FAM13A: variants seen among roughly 807,000 people sequenced by gnomAD.
FAM13A encodes the protein family with sequence similarity 13 member A.
In FAM13A, 76 loss-of-function variants were observed where a neutral mutation model predicts 129.6. The observed-to-expected ratio is 0.59, with a 90% confidence interval of 0.49 to 0.71. The LOEUF (loss-of-function observed/expected upper bound fraction) is 0.71. Ranked by LOEUF, FAM13A falls within the 30% of genes least tolerant of loss-of-function variation. The pLI, the probability that FAM13A is intolerant of heterozygous loss-of-function variation, is 0.00. For missense variants in FAM13A, 1,108 were observed against 1,249.3 expected (o/e 0.89, Z 1.70); for synonymous variants, 443 against 449.9 (o/e 0.98, Z 0.20).
At chr4:88,829,725 A>G (rs1733571621) in intron 7 of FAM13A, among the ~76,000 whole-genome samples, 1 of 152,238 alleles carries the variant, frequency 6.6e-6, no homozygotes, top group Admixed American at 6.5e-5. Context: ...GTCAATAAAA[A>G]AGGGAGAAGA....
intron 1 of FAM13A, among the ~76,000 whole-genome samples, chr4:89,042,964 C>G (rs1185968926): frequency 6.6e-6 from 1 of 152,198 alleles, no homozygotes; most frequent in African/African-American, 2.4e-5. Flanking sequence ...GTTATCACTT[C>G]TTCTGAAACC....
intron 5 of FAM13A, among the ~76,000 whole-genome samples, chr4:88,913,145 G>A (rs1008003588): frequency 4.1e-4 from 59 of 144,942 alleles, no homozygotes; most frequent in Non-Finnish European, 8.4e-4. Context: ...AGAGGAAGAG[G>A]AAGAAGAGGA....
chr4:89,020,527 A>C lies in FAM13A; in HGVS notation c.360T>G (p.Phe120Leu). ...TCAGACTGTCAGGCAGCTCCCTCAGAAACAGCTTCAACAGACTGGCTGCTG... is the reference window on the plus strand; with the variant it reads ...TCAGACTGTCAGGCAGCTCCCTCAGCAACAGCTTCAACAGACTGGCTGCTG... ...VCSAASLLKL[F>L]LRELPDSLIT... Residue 120 changes from phenylalanine to leucine, a missense_variant, in exon 3 of 24, where the codon TTT (phenylalanine) becomes TTG (leucine). Phe to Leu is a conservative substitution (Grantham distance 22). Coordinates refer to ENST00000264344, the MANE Select transcript of FAM13A (RefSeq NM_014883.4). 6.2e-7 allele frequency: 1 copy of C among 1,614,118 alleles called. No homozygotes were observed. The highest frequency in any genetic ancestry group is 8.5e-7 in the Non-Finnish European group (1 of 1,180,002).
chr4:88,880,960 C>G (rs1463241916), intron 6 of FAM13A, among the ~76,000 whole-genome samples: 1 of 152,094 alleles, frequency 6.6e-6, no homozygotes, highest in Non-Finnish European at 1.5e-5. Flanking sequence ...TGCCCCTATC[C>G]CCGACAGCAG....
chr4:88,949,586 TA>T (rs1157264060), intron 4 of FAM13A, among the ~76,000 whole-genome samples: 1 of 152,236 alleles, frequency 6.6e-6, no homozygotes, highest in African/African-American at 2.4e-5. Flanking sequence ...CTTAATATGT[TA>T]TAAATGAAAA....
rs1170954295 is a variant in FAM13A, at chr4:88,800,731, C to A, written c.1049+4280G>T. 1.4e-3 allele frequency among the ~76,000 whole-genome samples: 206 copies of A among 144,892 alleles called. 1 individual carries two copies. The highest frequency in any genetic ancestry group is 7.1e-3 in the Middle Eastern group (2 of 280). ...AAAAGAAAAAAAAAAGAAAAAGAAA[C>A]ACTATTATAATAAAAAGGAAAACAA... On this transcript the variant is annotated intron_variant, in intron 8 of 23. Coordinates refer to ENST00000264344, the MANE Select transcript of FAM13A (RefSeq NM_014883.4).
chr4:88,990,685 AC>A, intron 4 of FAM13A: 1 of 215,226 alleles, frequency 4.6e-6, no homozygotes, highest in Non-Finnish European at 7.9e-6. Context: ...ATTTCTGATT[AC>A]AGATTTTTTA....
At chr4:88,850,069 A>G (rs1399490406) in intron 7 of FAM13A, among the ~76,000 whole-genome samples, 5 of 152,166 alleles carry the variant, frequency 3.3e-5, no homozygotes, top group African/African-American at 9.7e-5. Context: ...AAGCTCCTTA[A>G]CTAAATTATT....
chr4:88,927,015 C>T (rs1454976754), intron 5 of FAM13A, among the ~76,000 whole-genome samples: 2 of 152,076 alleles, frequency 1.3e-5, no homozygotes, highest in African/African-American at 4.8e-5. Flanking sequence ...TTTCTTTATC[C>T]AATTCTCCCT....
chr4:88,913,590 C>T (rs549754344), intron 5 of FAM13A, among the ~76,000 whole-genome samples: 3 of 152,154 alleles, frequency 2.0e-5, no homozygotes, highest in Non-Finnish European at 2.9e-5. Flanking sequence ...AAGAAGAAGG[C>T]GGCAAATAAT....
intron 7 of FAM13A, among the ~76,000 whole-genome samples, chr4:88,841,859 AAACAT>A (rs1265403272): frequency 6.6e-6 from 1 of 152,212 alleles, no homozygotes; most frequent in Non-Finnish European, 1.5e-5. Flanking sequence ...TCAAAAAGTT[AAACAT>A]AGAGTTAACA....
intron 4 of FAM13A, among the ~76,000 whole-genome samples, chr4:88,971,479 T>C (rs1452871439): frequency 1.3e-5 from 2 of 152,192 alleles, no homozygotes; most frequent in African/African-American, 4.8e-5. Context: ...TAAAAATGGC[T>C]CTGGGACCCT....
intron 2 of FAM13A, among the ~76,000 whole-genome samples, chr4:89,022,495 A>G (rs1767406483): frequency 6.6e-6 from 1 of 152,300 alleles, no homozygotes; most frequent in East Asian, 1.9e-4. Context: ...GATGATATTA[A>G]AAGTATTTAA....
chr4:89,023,168 A>G (rs1767499368), intron 2 of FAM13A, among the ~76,000 whole-genome samples: 1 of 152,206 alleles, frequency 6.6e-6, no homozygotes, highest in African/African-American at 2.4e-5. Flanking sequence ...ATCAGGTTCT[A>G]TTGGGAGATG....
At chr4:88,776,697 G>A (rs767441860) in intron 11 of FAM13A, among the ~76,000 whole-genome samples, 8 of 152,030 alleles carry the variant, frequency 5.3e-5, no homozygotes, top group African/African-American at 7.2e-5. Flanking sequence ...CCTAGTGGCC[G>A]AGTGTGGTGG....
intron 1 of FAM13A, among the ~76,000 whole-genome samples, chr4:89,053,507 G>A (rs573396011): frequency 3.3e-5 from 5 of 152,216 alleles, no homozygotes; most frequent in Admixed American, 1.3e-4. Flanking sequence ...TGACCTTTCT[G>A]TAACGCGACT....
At chr4:88,955,347 T>C (rs1425611189) in intron 4 of FAM13A, among the ~76,000 whole-genome samples, 4 of 152,020 alleles carry the variant, frequency 2.6e-5, no homozygotes, top group East Asian at 3.8e-4. Context: ...ACACATAGTC[T>C]GCCATGATTG....
intron 5 of FAM13A, among the ~76,000 whole-genome samples, 175 bp from the exon 6 acceptor site, chr4:88,906,637 T>C (rs1439681913): frequency 6.6e-6 from 1 of 152,204 alleles, no homozygotes; most frequent in Non-Finnish European, 1.5e-5. Context: ...ACATGTCATA[T>C]ACAACAATAA....
chr4:88,838,417 C>T (rs916399493), intron 7 of FAM13A, among the ~76,000 whole-genome samples: 1 of 152,102 alleles, frequency 6.6e-6, no homozygotes, highest in African/African-American at 2.4e-5. Context: ...GAATAATTTC[C>T]TAGGATAATT....
Sources: gnomAD v4.1 joint callset for allele counts (sites outside exome capture counted in the v4.1 genomes callset) on GRCh38, gnomAD v4.1.1 for gene constraint, MANE v1.5 for transcripts, NCBI Gene and HGNC (gene_info 2026-07-23, HGNC 2026-07-21) for gene names.